Variants in HRH2 observed in about 807,000 individuals in gnomAD.
The protein encoded by HRH2 is histamine receptor H2.
In HRH2, 4 loss-of-function variants were observed where a neutral mutation model predicts 20.1. The ratio of observed to expected loss-of-function variants is 0.20; its 90% CI spans 0.10 to 0.45. The LOEUF is 0.45. Ranked by LOEUF, HRH2 falls within the 20% of genes least tolerant of loss-of-function variation. The pLI, the probability that HRH2 is intolerant of heterozygous loss-of-function variation, is 0.99. For synonymous variants in HRH2, 197 were observed against 200.7 expected (o/e 0.98, Z 0.16); for missense variants, 250 against 461.6 (o/e 0.54, Z 4.20).
At chr5:175,675,389 T>C (rs1004394010) in intron 1 of HRH2, among the ~76,000 whole-genome samples, 1 of 152,132 alleles carries the variant, frequency 6.6e-6, no homozygotes, top group African/African-American at 2.4e-5. Flanking sequence ...AAGCACTCCA[T>C]CCCCAGCTAC....
chr5:175,699,482 C>T (rs754841961), intron 2 of HRH2, among the ~76,000 whole-genome samples: 13 of 152,282 alleles, frequency 8.5e-5, no homozygotes, highest in Non-Finnish European at 1.5e-4. Context: ...GTGAAACTGA[C>T]GCTCTCAGTC....
chr5:175,698,719 T>C (rs1183319183), intron 2 of HRH2, among the ~76,000 whole-genome samples: 1 of 152,164 alleles, frequency 6.6e-6, no homozygotes, highest in Non-Finnish European at 1.5e-5. Flanking sequence ...CAAAATTCCC[T>C]TTATGGGCCT....
chr5:175,691,370 T>G (rs1192491783), intron 2 of HRH2: 1 of 152,352 alleles, frequency 6.6e-6, no homozygotes, highest in Non-Finnish European at 1.5e-5. Context: ...GTAGAGAACC[T>G]TCCTGCATGG....
chr5:175,697,031 CAGGG>C (rs1756615938), intron 2 of HRH2, among the ~76,000 whole-genome samples: 1 of 152,218 alleles, frequency 6.6e-6, no homozygotes, highest in South Asian at 2.1e-4. Context: ...CGCTCAACCC[CAGGG>C]AAGGCCAGTC....
At position 175,684,267 on chromosome 5, in the gene HRH2, G is replaced by A. The variant is rs865787719; in HGVS notation, c.1034G>A (p.Trp345Ter). Residue 345 changes from tryptophan to a stop codon, truncating the protein, a stop_gained, in exon 2 of 3, where the codon TGG (tryptophan) becomes TAG (stop). Transcript: ENST00000636584. LOFTEE classifies it low-confidence loss of function (END_TRUNC). The part of the protein sequence containing the change: ...QEEKPLKLQV[W>*]SGTEVTAPQG... ...GAGAAACCCCTGAAGCTCCAGGTGTGGAGTGGGACAGAAGTCACGGCCCCC... is the reference window on the plus strand; with the variant it reads ...GAGAAACCCCTGAAGCTCCAGGTGTAGAGTGGGACAGAAGTCACGGCCCCC... 1 of 1,614,170 alleles carries A rather than the reference G, an allele frequency of 6.2e-7. No homozygotes were observed. The highest frequency in any genetic ancestry group is 8.5e-7 in the Non-Finnish European group (1 of 1,180,026).
At chr5:175,661,946 C>G (rs1270842410) in intron 1 of HRH2, among the ~76,000 whole-genome samples, 1 of 152,124 alleles carries the variant, frequency 6.6e-6, no homozygotes, top group Non-Finnish European at 1.5e-5. Flanking sequence ...CTCTTGAACT[C>G]AGGAGGCGGA....
At position 175,677,324 on chromosome 5, in the gene HRH2, G is replaced by T. The variant is rs1384242686; in HGVS notation, c.-525-5385G>T. ...TATGCAGTCATTCACTGATGGACAT[G>T]TAGGTTGATTCCATATCTTAGCTAC... On this transcript the variant is annotated intron_variant, in intron 1 of 2. Coordinates refer to ENST00000636584, the MANE Select transcript of HRH2 (RefSeq NM_001367711.1). This position sits in a 1 kb window ranked among gnomAD's most constrained non-coding sequence, Gnocchi z 4.2. 6.6e-6 allele frequency among the ~76,000 whole-genome samples: 1 copy of T among 152,238 alleles called. No individual in the cohort carries two copies. Among genetic ancestry groups the T allele is most frequent in the Non-Finnish European group, 1.5e-5 (1 of 68,046 alleles).
intron 2 of HRH2, among the ~76,000 whole-genome samples, chr5:175,705,363 G>C (rs1332002631): frequency 6.6e-6 from 1 of 152,174 alleles, no homozygotes; most frequent in Admixed American, 6.5e-5. Context: ...TACACCGGGG[G>C]ACAGGTCCAG....
chr5:175,676,310 C>T (rs1001784731), intron 1 of HRH2, among the ~76,000 whole-genome samples: 7 of 152,226 alleles, frequency 4.6e-5, no homozygotes, highest in South Asian at 2.1e-4. Context: ...CTCTGGTATG[C>T]GCACATCCAC....
chr5:175,685,685 A>C (rs188748140), intron 2 of HRH2: 1 of 611,862 alleles, frequency 1.6e-6, no homozygotes, highest in Non-Finnish European at 3.0e-6. Flanking sequence ...TCGCATAGAG[A>C]GTTGGTCTTC....
intron 1 of HRH2, among the ~76,000 whole-genome samples, chr5:175,666,504 G>A (rs1762899744): frequency 6.6e-6 from 1 of 152,204 alleles, no homozygotes; most frequent in South Asian, 2.1e-4. Flanking sequence ...TCAGCTCACA[G>A]CAGCCTCGAC....
At chr5:175,703,546 TAAAG>T (rs1756855574) in intron 2 of HRH2, among the ~76,000 whole-genome samples, 1 of 151,838 alleles carries the variant, frequency 6.6e-6, no homozygotes, top group Admixed American at 6.6e-5. Context: ...CAAAGATAAT[TAAAG>T]AAAGGAAACA....
At chr5:175,704,584 G>A (rs184047661) in intron 2 of HRH2, among the ~76,000 whole-genome samples, 49 of 152,094 alleles carry the variant, frequency 3.2e-4, no homozygotes, top group African/African-American at 1.0e-3. Flanking sequence ...ACATATTACC[G>A]GAGATCAGTC....
intron 1 of HRH2, among the ~76,000 whole-genome samples, chr5:175,661,893 G>A (rs902384443): frequency 2.0e-5 from 3 of 152,104 alleles, no homozygotes; most frequent in African/African-American, 7.2e-5. Context: ...GTGATGGCAG[G>A]CGCCTGTAGT....
intron 2 of HRH2, among the ~76,000 whole-genome samples, chr5:175,705,552 A>G (rs1756918161): frequency 6.6e-6 from 1 of 152,140 alleles, no homozygotes; most frequent in Admixed American, 6.5e-5. Context: ...CCTCACACAG[A>G]TGTAAATAGT....
chr5:175,678,656 G>A (rs531531790), intron 1 of HRH2, among the ~76,000 whole-genome samples: 1 of 152,238 alleles, frequency 6.6e-6, no homozygotes, highest in Non-Finnish European at 1.5e-5. Flanking sequence ...CAGAAGGGGC[G>A]TCGGGCACAG....
At chr5:175,685,069 G>A (rs185652839) in intron 2 of HRH2, among the ~76,000 whole-genome samples, 28 of 152,264 alleles carry the variant, frequency 1.8e-4, no homozygotes, top group African/African-American at 6.7e-4. Flanking sequence ...GCAAAATCAA[G>A]GAGGCCATAG....
intron 1 of HRH2, among the ~76,000 whole-genome samples, chr5:175,674,593 C>T (rs902920905): frequency 9.2e-5 from 14 of 152,144 alleles, no homozygotes; most frequent in African/African-American, 3.1e-4. Context: ...AGTTACAGAA[C>T]CTGCCCCCAA....
At position 175,710,728 on chromosome 5, in the gene HRH2, T is replaced by C. The variant is rs905823829; in HGVS notation, c.*2757T>C. 2.0e-5 allele frequency: 3 copies of C among 152,264 alleles called. No homozygotes were observed. Among genetic ancestry groups the C allele is most frequent in the African/African-American group, 4.8e-5 (2 of 41,466 alleles). The allele number at this position is 152,264 out of a possible 1,614,324, so 9.4% of individuals were successfully genotyped here. A position where few individuals can be genotyped will look rare whatever the true frequency, so the allele number is the denominator to read the frequency against. Reference sequence around the variant, plus strand: ...CCCCAAATCCATGTTTGTGTTACCATCGTGTTCCAATAAAACTATCGAAAC... The same window carrying C: ...CCCCAAATCCATGTTTGTGTTACCACCGTGTTCCAATAAAACTATCGAAAC... On this transcript the variant is annotated 3_prime_UTR_variant, in exon 3 of 3. Coordinates refer to ENST00000636584, the MANE Select transcript of HRH2 (RefSeq NM_001367711.1).
Sources: allele counts gnomAD v4.1 joint callset (sites outside exome capture counted in the v4.1 genomes callset), GRCh38; gene constraint gnomAD v4.1.1; non-coding constraint Gnocchi (gnomAD v3.1); transcripts MANE v1.5; gene names NCBI Gene and HGNC (gene_info 2026-07-23, HGNC 2026-07-21).